ATP8A1: variants seen among roughly 807,000 people sequenced by gnomAD.
ATP8A1 encodes the protein ATPase phospholipid transporting 8A1, also known as phospholipid-transporting ATPase IA.
A neutral mutation model predicts 177.7 loss-of-function variants in ATP8A1; 90 were observed. The observed-to-expected ratio is 0.51, with a 90% CI of 0.43 to 0.60. The LOEUF (loss-of-function observed/expected upper bound fraction) is 0.60. ATP8A1 is among the 20% of genes least tolerant of loss of function. The pLI is 0.00. For missense variants in ATP8A1, 1,072 were observed against 1,392.8 expected (o/e 0.77, Z 3.67); for synonymous variants, 493 against 485.9 (o/e 1.01, Z -0.19).
intron 4 of ATP8A1, among the ~76,000 whole-genome samples, chr4:42,616,608 GCATA>G (rs905400175): frequency 2.0e-5 from 3 of 152,078 alleles, no homozygotes; most frequent in Admixed American, 2.0e-4. Context: ...TCTACCACTG[GCATA>G]CAGTCTCCCC....
At chr4:42,596,844 C>T (rs1734770588) in intron 6 of ATP8A1, among the ~76,000 whole-genome samples, 1 of 152,242 alleles carries the variant, frequency 6.6e-6, no homozygotes. Context: ...CACCTGCATA[C>T]ATCTCAAAAA....
intron 22 of ATP8A1, among the ~76,000 whole-genome samples, chr4:42,514,715 G>A (rs1560410392): frequency 6.6e-6 from 1 of 152,130 alleles, no homozygotes; most frequent in African/African-American, 2.4e-5. Flanking sequence ...GTAACTTACA[G>A]ATTATTAGCA....
At chr4:42,641,674 T>C (rs1271418199) in intron 1 of ATP8A1, among the ~76,000 whole-genome samples, 1 of 152,194 alleles carries the variant, frequency 6.6e-6, no homozygotes, top group Admixed American at 6.5e-5. Context: ...CATAGGAAGA[T>C]AGAACTGAAT....
At chr4:42,446,180 T>C (rs1334785020) in intron 31 of ATP8A1, among the ~76,000 whole-genome samples, 1 of 150,058 alleles carries the variant, frequency 6.7e-6, no homozygotes, top group East Asian at 2.1e-4. Flanking sequence ...CCAGGAGACA[T>C]CCATGACATA....
Position 42,578,256 on chromosome 4 carries a change from T to C in ATP8A1, c.1128+4A>G. On this transcript the variant is annotated splice_donor_region_variant and intron_variant, in intron 12 of 36. Coordinates refer to ENST00000381668, the MANE Select transcript of ATP8A1 (RefSeq NM_006095.2). ...GGGTGATAACAATCATAATTCATAT[T>C]TACCCAATTTATGAAGTATGCCTGG... 6.3e-7 allele frequency: 1 copy of C among 1,590,046 alleles called. No individual in the cohort carries two copies. Among genetic ancestry groups the C allele is most frequent in the African/African-American group, 1.4e-5 (1 of 73,656 alleles).
At chr4:42,608,993 A>G (rs1400098324) in intron 5 of ATP8A1, among the ~76,000 whole-genome samples, 1 of 152,236 alleles carries the variant, frequency 6.6e-6, no homozygotes, top group Non-Finnish European at 1.5e-5. Context: ...TTGCCTATAA[A>G]GGTTACATTA....
intron 16 of ATP8A1, among the ~76,000 whole-genome samples, chr4:42,554,275 C>T (rs908734005): frequency 2.2e-4 from 34 of 152,218 alleles, no homozygotes; most frequent in South Asian, 4.2e-4. Flanking sequence ...TAACTGCAGC[C>T]GACACCCAAG....
intron 6 of ATP8A1, among the ~76,000 whole-genome samples, chr4:42,600,252 TG>T (rs1490960081): frequency 1.2e-4 from 18 of 152,222 alleles, no homozygotes; most frequent in African/African-American, 1.7e-4. Context: ...AAATATACTA[TG>T]AAAAAAACAA....
intron 16 of ATP8A1, among the ~76,000 whole-genome samples, chr4:42,554,839 G>A (rs1729892267): frequency 1.3e-5 from 2 of 152,112 alleles, no homozygotes; most frequent in African/African-American, 4.8e-5. Context: ...GATGGGGAAG[G>A]CAGATCATCT....
At chr4:42,563,569 C>A (rs1040566715) in intron 15 of ATP8A1, among the ~76,000 whole-genome samples, 4 of 152,192 alleles carry the variant, frequency 2.6e-5, no homozygotes, top group African/African-American at 9.7e-5. Context: ...GTCTCCAGGG[C>A]ATGTCAGAGG....
chr4:42,509,101 C>T (rs900416557), intron 22 of ATP8A1, among the ~76,000 whole-genome samples: 1 of 152,202 alleles, frequency 6.6e-6, no homozygotes, highest in African/African-American at 2.4e-5. Context: ...TCCTCACTTA[C>T]GTAGTACTGA....
chr4:42,438,039 G>T (rs915247145), intron 33 of ATP8A1, among the ~76,000 whole-genome samples: 1 of 145,838 alleles, frequency 6.9e-6, no homozygotes, highest in Non-Finnish European at 1.5e-5. Flanking sequence ...TACTTCGATG[G>T]GTGGCACTGA....
chr4:42,513,616 C>T (rs1232496074), intron 22 of ATP8A1, among the ~76,000 whole-genome samples: 1 of 152,118 alleles, frequency 6.6e-6, no homozygotes, highest in Non-Finnish European at 1.5e-5. Context: ...GAGAAGCTGC[C>T]ATTCAGTCAG....
At chr4:42,447,964 T>G (rs1717465862) in intron 30 of ATP8A1, among the ~76,000 whole-genome samples, 1 of 152,206 alleles carries the variant, frequency 6.6e-6, no homozygotes, top group Non-Finnish European at 1.5e-5. Context: ...TCATACTTCC[T>G]GGTCTATGGA....
At chr4:42,423,088 T>A (rs1271276283) in intron 34 of ATP8A1, among the ~76,000 whole-genome samples, 189 bp from the exon 35 acceptor site, 1 of 152,156 alleles carries the variant, frequency 6.6e-6, no homozygotes, top group African/African-American at 2.4e-5. Context: ...TAAAAATAAA[T>A]GATGGTTTAG....
intron 24 of ATP8A1, among the ~76,000 whole-genome samples, chr4:42,496,737 T>C (rs1456414092): frequency 6.6e-6 from 1 of 152,132 alleles, no homozygotes; most frequent in Non-Finnish European, 1.5e-5. Flanking sequence ...TTTATATAGA[T>C]ATATACACAC....
chr4:42,619,927 A>G (rs1737302316), intron 4 of ATP8A1, among the ~76,000 whole-genome samples: 3 of 152,192 alleles, frequency 2.0e-5, no homozygotes, highest in Admixed American at 2.0e-4. Flanking sequence ...ATAACCACCT[A>G]TATTCCACAA....
chr4:42,571,971 A>G (rs1731949575), intron 14 of ATP8A1, among the ~76,000 whole-genome samples: 1 of 152,244 alleles, frequency 6.6e-6, no homozygotes, highest in African/African-American at 2.4e-5. Context: ...AGAACTAGCT[A>G]GGAATTATAC....
intron 15 of ATP8A1, among the ~76,000 whole-genome samples, chr4:42,558,036 A>G (rs1263205921): frequency 6.7e-6 from 1 of 148,460 alleles, no homozygotes; most frequent in East Asian, 1.9e-4. Flanking sequence ...CATCTCAAAA[A>G]CAAAAACAAA....
Sources: allele counts gnomAD v4.1 joint callset (sites outside exome capture counted in the v4.1 genomes callset), GRCh38; gene constraint gnomAD v4.1.1; transcripts MANE v1.5; gene names NCBI Gene and HGNC (gene_info 2026-07-23, HGNC 2026-07-21).